The following PCDH15 variants were observed in gnomAD, a reference collection of about 807,000 sequenced individuals.
PCDH15 encodes the protein protocadherin related 15.
A neutral mutation model predicts 178.5 loss-of-function variants in PCDH15; 129 were observed. The observed-to-expected ratio is 0.72, with a 90% CI of 0.63 to 0.84. The LOEUF (loss-of-function observed/expected upper bound fraction) is 0.84, where lower values mean the gene tolerates loss of function less well. Ranked by LOEUF, PCDH15 falls within the 40% of genes least tolerant of loss-of-function variation. The probability of loss-of-function intolerance (pLI) is 0.00; values close to 1 mark genes in which losing one functional copy is unlikely to be tolerated. For synonymous variants in PCDH15, 800 were observed against 732.0 expected, an observed-to-expected ratio of 1.09 and a Z score of -1.50; for missense variants, 2,230 against 2,099.9, an observed-to-expected ratio of 1.06 and a Z score of -1.21.
At chr10:54,926,494 C>G (rs1014283126) in intron 2 of PCDH15, among the ~76,000 whole-genome samples, 3 of 151,844 alleles carry the variant, frequency 2.0e-5, no homozygotes, top group African/African-American at 7.3e-5. Flanking sequence ...AGTCTCTCCT[C>G]TTTAAGTTTT....
intron 2 of PCDH15, among the ~76,000 whole-genome samples, chr10:54,913,064 T>G (rs541830185): frequency 6.6e-6 from 1 of 152,266 alleles, no homozygotes; most frequent in Non-Finnish European, 1.5e-5. Flanking sequence ...GTTGAAAAAT[T>G]TACCGCCTAG....
At chr10:54,972,489 G>A (rs1280556787) in intron 2 of PCDH15, among the ~76,000 whole-genome samples, 2 of 151,810 alleles carry the variant, frequency 1.3e-5, no homozygotes, top group South Asian at 2.1e-4. Flanking sequence ...GTAGTGAGCT[G>A]AGATCGCGTT....
intron 2 of PCDH15, among the ~76,000 whole-genome samples, chr10:55,376,545 T>G (rs1457957398): frequency 6.6e-6 from 1 of 152,130 alleles, no homozygotes; most frequent in Non-Finnish European, 1.5e-5. Context: ...TGCTTTAGTT[T>G]TCCAGAGACT....
intron 1 of PCDH15, among the ~76,000 whole-genome samples, chr10:55,285,877 C>T (rs1416973504): frequency 1.3e-5 from 2 of 151,868 alleles, no homozygotes; most frequent in African/African-American, 2.4e-5. Context: ...TCTAGCTGTG[C>T]CAAGCAGCTT....
intron 8 of PCDH15, among the ~76,000 whole-genome samples, chr10:54,264,529 C>T (rs1021714534): frequency 2.0e-5 from 3 of 151,878 alleles, no homozygotes; most frequent in African/African-American, 4.8e-5. Flanking sequence ...AAAAACAGTC[C>T]GAATTTGAAA....
intron 26 of PCDH15, among the ~76,000 whole-genome samples, chr10:53,871,385 C>A (rs1020611652): frequency 6.6e-6 from 1 of 150,924 alleles, no homozygotes; most frequent in African/African-American, 2.4e-5. Flanking sequence ...TTTCAGATTT[C>A]TTTATTCATA....
chr10:54,852,225 A>G (rs1482888460), intron 3 of PCDH15, among the ~76,000 whole-genome samples: 1 of 148,088 alleles, frequency 6.8e-6, no homozygotes, highest in Non-Finnish European at 1.5e-5. Flanking sequence ...TAATATGTAT[A>G]TTGAGTAAAT....
At chr10:53,932,783 G>C (rs1175901569) in intron 25 of PCDH15, among the ~76,000 whole-genome samples, 1 of 152,178 alleles carries the variant, frequency 6.6e-6, no homozygotes, top group Non-Finnish European at 1.5e-5. Flanking sequence ...TTGCCACACA[G>C]ATGGGCAATC....
At chr10:54,239,928 T>G (rs1467900768) in intron 8 of PCDH15, among the ~76,000 whole-genome samples, 1 of 152,166 alleles carries the variant, frequency 6.6e-6, no homozygotes, top group Non-Finnish European at 1.5e-5. Context: ...CTTGAAATGT[T>G]TAAATATTAT....
chr10:54,284,887 C>A (rs978576094), intron 8 of PCDH15, among the ~76,000 whole-genome samples: 5 of 152,164 alleles, frequency 3.3e-5, no homozygotes, highest in African/African-American at 1.2e-4. Context: ...GTCATACAAG[C>A]TTCTTTATCA....
intron 2 of PCDH15, among the ~76,000 whole-genome samples, chr10:55,011,574 T>C (rs981768680): frequency 6.6e-6 from 1 of 152,078 alleles, no homozygotes; most frequent in African/African-American, 2.4e-5. Flanking sequence ...CTTTAAATTA[T>C]TCATGGTTTA....
At chr10:55,522,801 T>A (rs747316608) in intron 2 of PCDH15, among the ~76,000 whole-genome samples, 14 of 151,318 alleles carry the variant, frequency 9.3e-5, no homozygotes, top group Admixed American at 9.2e-4. Flanking sequence ...TTTAATTCAT[T>A]TGCATTAAAT....
At chr10:55,210,207 A>C (rs1216131011) in intron 1 of PCDH15, among the ~76,000 whole-genome samples, 3 of 152,214 alleles carry the variant, frequency 2.0e-5, no homozygotes, top group African/African-American at 7.2e-5. Flanking sequence ...ATAGTGTTAC[A>C]GCAGATGATG....
At chr10:54,692,883 T>A (rs975915077) in intron 1 of PCDH15, among the ~76,000 whole-genome samples, 15 of 152,134 alleles carry the variant, frequency 9.9e-5, no homozygotes, top group African/African-American at 2.9e-4. Context: ...ATTCTTTTTT[T>A]AAATGTATTC....
At chr10:54,988,989 G>T (rs973935779) in intron 2 of PCDH15, among the ~76,000 whole-genome samples, 1 of 152,182 alleles carries the variant, frequency 6.6e-6, no homozygotes, top group African/African-American at 2.4e-5. Flanking sequence ...CCCATGCTGT[G>T]TGCAGCCTAG....
At chr10:54,459,526 G>C (rs2077039965) in intron 3 of PCDH15, among the ~76,000 whole-genome samples, 1 of 151,946 alleles carries the variant, frequency 6.6e-6, no homozygotes, top group Non-Finnish European at 1.5e-5. Context: ...AAATTCTTAG[G>C]TTATTTGGAG....
chr10:54,458,889 A>G (rs1174138480), intron 3 of PCDH15, among the ~76,000 whole-genome samples: 1 of 152,152 alleles, frequency 6.6e-6, no homozygotes, highest in Non-Finnish European at 1.5e-5. Context: ...GTGTGCTCAT[A>G]CTAGTGTACA....
intron 2 of PCDH15, among the ~76,000 whole-genome samples, chr10:54,652,525 T>C (rs1424144290): frequency 6.6e-6 from 1 of 152,192 alleles, no homozygotes; most frequent in Non-Finnish European, 1.5e-5. Context: ...CCAAAATTCA[T>C]ATATTCAACC....
intron 1 of PCDH15, among the ~76,000 whole-genome samples, chr10:55,189,385 A>G (rs868102641): frequency 1.3e-5 from 2 of 151,920 alleles, no homozygotes; most frequent in Non-Finnish European, 2.9e-5. Flanking sequence ...TGTCTGCCCA[A>G]TGAAAATCCT....
Sources: allele counts gnomAD v4.1 joint callset (sites outside exome capture counted in the v4.1 genomes callset), GRCh38; gene constraint gnomAD v4.1.1; transcripts MANE v1.5; gene names NCBI Gene and HGNC (gene_info 2026-07-23, HGNC 2026-07-21).